The following L3HYPDH variants were observed in gnomAD, a reference collection of about 807,000 sequenced individuals.
L3HYPDH encodes trans-L-3-hydroxyproline dehydratase.
L3HYPDH carries 32 observed loss-of-function variants against 26.5 expected under a neutral mutation model. That is an observed-to-expected ratio of 1.21 (90% CI 0.91 to 1.62). L3HYPDH has a LOEUF of 1.62. Among genes scored for constraint, L3HYPDH ranks in the 40% most tolerant of loss-of-function variants. L3HYPDH has a pLI of 0.00. For missense variants in L3HYPDH, 554 were observed against 476.4 expected, an observed-to-expected ratio of 1.16 and a Z score of -1.52; for synonymous variants, 215 against 196.6, an observed-to-expected ratio of 1.09 and a Z score of -0.78.
intron 4 of L3HYPDH, 61 bp downstream of exon 4, chr14:59,475,808 C>T (rs529594174): frequency 2.0e-6 from 3 of 1,489,628 alleles, no homozygotes; most frequent in Non-Finnish European, 2.7e-6. Context: ...ACACCCAACT[C>T]AGGCCTCTCC....
intron 2 of L3HYPDH, 33 bp from the exon 3 acceptor site, chr14:59,476,247 T>C: frequency 2.1e-6 from 3 of 1,446,134 alleles, no homozygotes; most frequent in Non-Finnish European, 2.8e-6. Context: ...ACATGCAAAA[T>C]AAATATTTTG....
intron 2 of L3HYPDH, 39 bp from the exon 3 acceptor site, chr14:59,476,253 T>C (rs1438120066): frequency 5.6e-6 from 8 of 1,430,398 alleles, no homozygotes. Flanking sequence ...AAAATAAATA[T>C]TTTGATTCAA....
the L3HYPDH span, chr14:59,494,921 G>T: frequency 4.9e-5 from 41 of 829,368 alleles, no homozygotes; most frequent in East Asian, 1.9e-4. Context: ...TTTTCTTATA[G>T]ATTTAGAAAT....
At chr14:59,498,568 A>C in the L3HYPDH span, among the ~76,000 whole-genome samples, 1 of 152,212 alleles carries the variant, frequency 6.6e-6, no homozygotes. Context: ...GCCGTGTATG[A>C]CAGCCTGTTT....
chr14:59,470,671 C>T (rs1238240582), downstream of L3HYPDH, among the ~76,000 whole-genome samples: 1 of 152,068 alleles, frequency 6.6e-6, no homozygotes, highest in African/African-American at 2.4e-5. Flanking sequence ...CAGCGGGGGC[C>T]ACCATGGATT....
At chr14:59,501,026 C>T in the L3HYPDH span, 20 of 561,842 alleles carry the variant, frequency 3.6e-5, no homozygotes, top group East Asian at 3.0e-4. Context: ...TTGCCCTTTC[C>T]AGAAAAAGCT....
In L3HYPDH at chr14:59,472,987, C is replaced by A. The variant is rs1013087019; in HGVS notation, c.1043G>T (p.Arg348Met). 3 of 1,603,494 alleles carry A rather than the reference C, an allele frequency of 1.9e-6. No homozygotes were observed. Among genetic ancestry groups the A allele is most frequent in the Admixed American group, 1.7e-5 (1 of 57,718 alleles). ...AAGTCACTTGAGAAGAAATCCATCCCTCAATGGGTCGTCATCTTCTATTAT... is the reference window on the plus strand; with the variant it reads ...AAGTCACTTGAGAAGAAATCCATCCATCAATGGGTCGTCATCTTCTATTAT... ...SFIIEDDDPL[R>M]DGFLLK Residue 348 changes from arginine (R) to methionine (M), a missense_variant, in exon 5 of 5, where the codon AGG becomes ATG. Transcript: ENST00000247194.
In L3HYPDH at chr14:59,476,233, G is replaced by A. The variant is rs374913851; in HGVS notation, c.679-19C>T. On this transcript the variant is annotated intron_variant, in intron 2 of 4. Coordinates refer to ENST00000247194, the MANE Select transcript of L3HYPDH (RefSeq NM_144581.2). ...TTTTAAACTGCAAGTAACAAAAAAA[G>A]ATCACATGCAAAATAAATATTTTGA... 1 of 1,336,576 alleles carries A rather than the reference G, an allele frequency of 7.5e-7. No homozygotes were observed. Among genetic ancestry groups the A allele is most frequent in the Non-Finnish European group, 1.0e-6 (1 of 995,040 alleles). 82.8% of individuals were successfully genotyped at this position (1,336,576 alleles called of 1,614,324 possible). A position where few individuals can be genotyped will look rare whatever the true frequency, so the allele number is the denominator to read the frequency against.
At chr14:59,486,138 T>G (rs1162804715), upstream of L3HYPDH, among the ~76,000 whole-genome samples, 1 of 152,208 alleles carries the variant, frequency 6.6e-6, no homozygotes, top group African/African-American at 2.4e-5. Context: ...ACAGCCTTGA[T>G]GAAATTTTCA....
intron 1 of L3HYPDH, among the ~76,000 whole-genome samples, chr14:59,467,336 A>C (rs184329567): frequency 5.7e-4 from 87 of 152,320 alleles, no homozygotes; most frequent in Non-Finnish European, 1.0e-3. Flanking sequence ...ATAAATGATC[A>C]AAGTTTATTG....
At chr14:59,476,916 T>G (rs1291819591) in intron 2 of L3HYPDH, among the ~76,000 whole-genome samples, 1 of 152,238 alleles carries the variant, frequency 6.6e-6, no homozygotes, top group Non-Finnish European at 1.5e-5. Flanking sequence ...CTTTAACTTT[T>G]CCTGGATTTC....
At chr14:59,498,884 C>T in the L3HYPDH span, 1 of 1,609,316 alleles carries the variant, frequency 6.2e-7, no homozygotes, top group Non-Finnish European at 8.5e-7. Context: ...AACCGTGCTT[C>T]AGGCAGTTGG....
At chr14:59,481,356 T>C (rs1348537820) in intron 1 of L3HYPDH, among the ~76,000 whole-genome samples, 1 of 152,234 alleles carries the variant, frequency 6.6e-6, no homozygotes, top group Non-Finnish European at 1.5e-5. Context: ...CCTTAATTAC[T>C]ACAGCCCTGA....
the L3HYPDH span, among the ~76,000 whole-genome samples, chr14:59,503,605 G>C: frequency 6.6e-6 from 1 of 152,180 alleles, no homozygotes; most frequent in African/African-American, 2.4e-5. Context: ...TAGGACTTAA[G>C]AGACATGATG....
At chr14:59,494,953 T>C in the L3HYPDH span, 1 of 1,104,472 alleles carries the variant, frequency 9.1e-7, no homozygotes, top group Non-Finnish European at 1.4e-6. Flanking sequence ...CACATGTACA[T>C]GTTTTATTAA....
chr14:59,468,542 C>T (rs547472743), downstream of L3HYPDH, among the ~76,000 whole-genome samples: 96 of 152,296 alleles, frequency 6.3e-4, no homozygotes, highest in African/African-American at 2.2e-3. Context: ...CCTTTCCCCA[C>T]GTATTGGGCC....
downstream of L3HYPDH, among the ~76,000 whole-genome samples, chr14:59,470,967 G>T (rs1448818077): frequency 1.4e-4 from 9 of 63,554 alleles, no homozygotes; most frequent in African/African-American, 5.2e-4. Flanking sequence ...GGGGGGGGGG[G>T]AGGGCAGGAG....
chr14:59,501,010 A>ACTAT, the L3HYPDH span: 1 of 542,140 alleles, frequency 1.8e-6, no homozygotes, highest in Non-Finnish European at 3.2e-6. Flanking sequence ...GAAACTATTT[A>ACTAT]CTATCTTGCC....
chr14:59,465,990 T>C (rs952961280), intron 1 of L3HYPDH, among the ~76,000 whole-genome samples: 4 of 152,098 alleles, frequency 2.6e-5, no homozygotes, highest in African/African-American at 9.7e-5. Context: ...AGCACTGATG[T>C]CAAGAGTTTC....
Sources: allele counts gnomAD v4.1 joint callset (sites outside exome capture counted in the v4.1 genomes callset), GRCh38; gene constraint gnomAD v4.1.1; transcripts MANE v1.5; gene names NCBI Gene and HGNC (gene_info 2026-07-23, HGNC 2026-07-21).